ITGA8: variants seen among roughly 807,000 people sequenced by gnomAD.
The protein encoded by ITGA8 is integrin subunit alpha 8, also known as integrin alpha-8.
ITGA8 carries 91 observed loss-of-function variants against 142.3 expected under a neutral mutation model. That is an observed-to-expected ratio of 0.64 (90% CI 0.54 to 0.76). The LOEUF (loss-of-function observed/expected upper bound fraction) is 0.76. ITGA8 is among the 30% of genes least tolerant of loss of function. The pLI, the probability that ITGA8 is intolerant of heterozygous loss-of-function variation, is 0.00. For missense variants in ITGA8, 1,406 were observed against 1,327.7 expected (o/e 1.06, Z -0.92); for synonymous variants, 505 against 485.2 (o/e 1.04, Z -0.54).
chr10:15,632,650 C>A lies in ITGA8; in HGVS notation c.1399+11380G>T, dbSNP rs139481404. On this transcript the variant is annotated intron_variant, in intron 13 of 29. Coordinates refer to ENST00000378076, the MANE Select transcript of ITGA8 (RefSeq NM_003638.3). ...TAGCAATTGTAGCACTCTTATCACACCAAGGTCACTACAGCTTGAAATCAA... is the reference window on the plus strand; with the variant it reads ...TAGCAATTGTAGCACTCTTATCACAACAAGGTCACTACAGCTTGAAATCAA... 3.6e-3 allele frequency among the ~76,000 whole-genome samples: 550 copies of A among 152,260 alleles called. 3 individuals are homozygous for A. Among genetic ancestry groups the A allele is most frequent in the African/African-American group, 0.013 (526 of 41,556 alleles).
Position 15,517,156 on chromosome 10 carries a change from T to C in ITGA8, c.*2A>G. ...GGTCTTTGGTCTTCTTTTTTTTTCTTGTCATGCCTCAGGGGTCTTGTCATT... is the reference window on the plus strand; with the variant it reads ...GGTCTTTGGTCTTCTTTTTTTTTCTCGTCATGCCTCAGGGGTCTTGTCATT... On this transcript the variant is annotated 3_prime_UTR_variant, in exon 30 of 30. Coordinates refer to ENST00000378076, the MANE Select transcript of ITGA8 (RefSeq NM_003638.3). 1 of 1,609,000 alleles carries C rather than the reference T, an allele frequency of 6.2e-7. No homozygotes were observed. The highest frequency in any genetic ancestry group is 8.5e-7 in the Non-Finnish European group (1 of 1,176,476).
Position 15,558,493 on chromosome 10 carries a change from A to G in ITGA8, c.2638-291T>C, listed in dbSNP as rs556792435. Among the ~76,000 whole-genome samples the G allele has an allele frequency of 1.4e-3, 207 of 152,322 alleles. 2 individuals carry two copies. Among genetic ancestry groups the G allele is most frequent in the Non-Finnish European group, 2.7e-3 (185 of 68,026 alleles). Reference sequence around the variant, plus strand: ...GCAGAAGTCATTTCCCCACAAGGATAGAAAACATGCAAGTGACGTTTCAGA... The same window carrying G: ...GCAGAAGTCATTTCCCCACAAGGATGGAAAACATGCAAGTGACGTTTCAGA... On this transcript the variant is annotated intron_variant, in intron 25 of 29. Transcript: ENST00000378076.
intron 2 of ITGA8, among the ~76,000 whole-genome samples, chr10:15,706,968 C>T (rs966824048): frequency 6.6e-6 from 1 of 152,194 alleles, no homozygotes; most frequent in African/African-American, 2.4e-5. Flanking sequence ...AGCACACCCA[C>T]ATCTCCAGAC....
chr10:15,529,741 T>A (rs1833253040), intron 28 of ITGA8, among the ~76,000 whole-genome samples: 1 of 152,192 alleles, frequency 6.6e-6, no homozygotes, highest in East Asian at 1.9e-4. Flanking sequence ...AGATTCAGTG[T>A]TACAATTAAG....
chr10:15,593,038 G>A (rs1380996865), intron 21 of ITGA8, among the ~76,000 whole-genome samples: 3 of 152,220 alleles, frequency 2.0e-5, no homozygotes, highest in South Asian at 2.1e-4. Flanking sequence ...CAATGTTTAT[G>A]TGCAATGCAC....
At chr10:15,605,631 T>G in intron 19 of ITGA8, 93 bp downstream of exon 19, 1 of 995,962 alleles carries the variant, frequency 1.0e-6, no homozygotes. Flanking sequence ...TTTTTGGTAG[T>G]TATTGGAAGT....
chr10:15,592,593 CTGAT>C (rs920261724), intron 21 of ITGA8, among the ~76,000 whole-genome samples: 4 of 152,254 alleles, frequency 2.6e-5, no homozygotes, highest in Middle Eastern at 3.4e-3. Flanking sequence ...TGAGAAGACA[CTGAT>C]TGGTTGATTG....
chr10:15,626,116 A>G (rs1474961680), intron 13 of ITGA8, among the ~76,000 whole-genome samples: 1 of 152,222 alleles, frequency 6.6e-6, no homozygotes, highest in East Asian at 1.9e-4. Flanking sequence ...CATGTTGTAT[A>G]AATGTCACAC....
At chr10:15,714,009 G>A (rs1039614650) in intron 2 of ITGA8, among the ~76,000 whole-genome samples, 5 of 151,860 alleles carry the variant, frequency 3.3e-5, no homozygotes, top group Non-Finnish European at 5.9e-5. Context: ...TTCTTATGTG[G>A]GCTCCTAACT....
intron 21 of ITGA8, among the ~76,000 whole-genome samples, chr10:15,595,889 C>G (rs1833003567): frequency 6.6e-6 from 1 of 152,094 alleles, no homozygotes; most frequent in South Asian, 2.1e-4. Flanking sequence ...CCCGTCTCTA[C>G]TAAAAATACA....
chr10:15,590,044 T>A (rs1832899587), intron 22 of ITGA8, among the ~76,000 whole-genome samples: 1 of 152,260 alleles, frequency 6.6e-6, no homozygotes, highest in Non-Finnish European at 1.5e-5. Flanking sequence ...ATTACAGGCG[T>A]GAGCCACTGT....
intron 14 of ITGA8, among the ~76,000 whole-genome samples, 180 bp from the exon 15 acceptor site, chr10:15,613,947 C>G (rs1833348545): frequency 1.3e-5 from 2 of 152,166 alleles, no homozygotes; most frequent in Admixed American, 6.5e-5. Context: ...GTATCACACT[C>G]AACTAATTAC....
intron 20 of ITGA8, among the ~76,000 whole-genome samples, chr10:15,599,165 C>T (rs557838767): frequency 8.6e-5 from 13 of 152,010 alleles, no homozygotes; most frequent in Non-Finnish European, 1.3e-4. Flanking sequence ...AGTTCTTTGA[C>T]ATCACTCAAA....
intron 26 of ITGA8, among the ~76,000 whole-genome samples, chr10:15,556,016 C>CTTTTT (rs1391282940): frequency 1.4e-4 from 13 of 94,504 alleles, no homozygotes; most frequent in African/African-American, 5.2e-4. Context: ...GTCTCTCTCT[C>CTTTTT]TCTTTTTTTT....
intron 27 of ITGA8, among the ~76,000 whole-genome samples, chr10:15,546,423 A>C (rs73598790): frequency 0.055 from 8,423 of 152,268 alleles, 758 homozygotes; most frequent in African/African-American, 0.19. Flanking sequence ...TTAAAAAGTC[A>C]AATAAATTGG....
intron 20 of ITGA8, 98 bp downstream of exon 20, chr10:15,604,110 T>C: frequency 2.7e-6 from 3 of 1,113,716 alleles, no homozygotes; most frequent in East Asian, 2.4e-5. Context: ...CTGTCTTTCA[T>C]TAAGGAAGAA....
intron 27 of ITGA8, among the ~76,000 whole-genome samples, chr10:15,535,297 A>G (rs1193383973): frequency 6.6e-6 from 1 of 152,062 alleles, no homozygotes; most frequent in Non-Finnish European, 1.5e-5. Flanking sequence ...AGTCCCATCA[A>G]CCACCCAAGG....
chr10:15,579,457 T>C (rs950852952), intron 23 of ITGA8, among the ~76,000 whole-genome samples: 1 of 152,138 alleles, frequency 6.6e-6, no homozygotes, highest in Non-Finnish European at 1.5e-5. Flanking sequence ...GATTTAGTTA[T>C]GTCCTAACAA....
At chr10:15,652,997 C>T (rs1266972344) in intron 11 of ITGA8, among the ~76,000 whole-genome samples, 2 of 152,220 alleles carry the variant, frequency 1.3e-5, no homozygotes, top group African/African-American at 4.8e-5. Context: ...TGTTCTAGTC[C>T]ATGGCAGAGT....
Sources: allele counts gnomAD v4.1 joint callset (sites outside exome capture counted in the v4.1 genomes callset), GRCh38; gene constraint gnomAD v4.1.1; transcripts MANE v1.5; gene names NCBI Gene and HGNC (gene_info 2026-07-23, HGNC 2026-07-21).